Variants in ARHGAP32 observed in about 807,000 individuals in gnomAD.
The protein encoded by ARHGAP32 is rho GTPase-activating protein 32.
Under a neutral mutation model 186.5 loss-of-function variants are expected in ARHGAP32, and 51 were observed. That is an observed-to-expected ratio of 0.27 (90% CI 0.22 to 0.35). ARHGAP32 has a LOEUF of 0.35. Ranked by LOEUF, ARHGAP32 falls within the 10% of genes least tolerant of loss-of-function variation. The pLI is 1.00. For synonymous variants in ARHGAP32, 950 were observed against 964.3 expected (o/e 0.99, Z 0.27); for missense variants, 2,186 against 2,623.5 (o/e 0.83, Z 3.64).
chr11:129,050,560 CA>C (rs996610618), intron 10 of ARHGAP32, among the ~76,000 whole-genome samples: 1 of 152,098 alleles, frequency 6.6e-6, no homozygotes, highest in African/African-American at 2.4e-5. Context: ...ATAATCACTG[CA>C]AATATTTTCT....
At chr11:129,216,089 C>T (rs1336492831) in intron 1 of ARHGAP32, among the ~76,000 whole-genome samples, 8 of 152,208 alleles carry the variant, frequency 5.3e-5, no homozygotes, top group Middle Eastern at 3.4e-3. Flanking sequence ...GCCTCTGGAG[C>T]GAGCACAACC....
intron 12 of ARHGAP32, among the ~76,000 whole-genome samples, chr11:128,996,503 T>A (rs2134722219): frequency 6.6e-6 from 1 of 152,338 alleles, no homozygotes; most frequent in South Asian, 2.1e-4. Context: ...ATTTATTTTA[T>A]CTCAAAACAA....
intron 1 of ARHGAP32, among the ~76,000 whole-genome samples, chr11:129,237,265 A>G (rs1670599444): frequency 6.6e-6 from 1 of 152,198 alleles, no homozygotes; most frequent in African/African-American, 2.4e-5. Flanking sequence ...AGATCAAAAT[A>G]AATGTTGATG....
At chr11:129,071,406 A>C (rs949985215) in intron 6 of ARHGAP32, among the ~76,000 whole-genome samples, 2 of 152,120 alleles carry the variant, frequency 1.3e-5, no homozygotes, top group African/African-American at 4.8e-5. Context: ...AGCACTGAAC[A>C]GACATTTCTC....
intron 11 of ARHGAP32, among the ~76,000 whole-genome samples, chr11:129,003,450 T>C (rs1368783650): frequency 2.0e-5 from 3 of 152,186 alleles, no homozygotes; most frequent in African/African-American, 7.2e-5. Context: ...TAGAGTACAA[T>C]TGGTACTTGT....
chr11:129,172,867 G>A (rs551880103), intron 1 of ARHGAP32, among the ~76,000 whole-genome samples: 12 of 150,912 alleles, frequency 8.0e-5, no homozygotes, highest in African/African-American at 1.7e-4. Context: ...ATGGACACCC[G>A]AACATCACAA....
intron 13 of ARHGAP32, among the ~76,000 whole-genome samples, chr11:128,987,174 G>T (rs1014195234): frequency 6.6e-6 from 1 of 152,156 alleles, no homozygotes; most frequent in Non-Finnish European, 1.5e-5. Context: ...TAATAGGCAG[G>T]AAAATCTGTA....
chr11:129,216,722 C>A (rs752827375), intron 1 of ARHGAP32, among the ~76,000 whole-genome samples: 200 of 151,058 alleles, frequency 1.3e-3, no homozygotes, highest in Non-Finnish European at 2.3e-3. Context: ...AGCTGAGTCC[C>A]CATAGGTTCT....
chr11:129,029,801 CAAAAAAAAAA>C (rs34762356), intron 11 of ARHGAP32, among the ~76,000 whole-genome samples: 3 of 46,948 alleles, frequency 6.4e-5, no homozygotes, highest in Non-Finnish European at 9.8e-5. Flanking sequence ...GACTCCGTCT[CAAAAAAAAAA>C]AAAAAAAAAA....
rs377703970 is a variant in ARHGAP32, at chr11:128,986,720, A to G, written c.1299-52T>C. ...AATCATTTGATTGAGGAGAGCAAAT[A>G]TGTGTCTTAAAAACAGAAAGCATAA... On this transcript the variant is annotated intron_variant, in intron 13 of 22. Coordinates refer to ENST00000682385, the MANE Select transcript of ARHGAP32 (RefSeq NM_001378024.1). The G allele has an allele frequency of 5.8e-5, 92 of 1,576,764 alleles. 1 individual carries two copies. Among genetic ancestry groups the G allele is most frequent in the East Asian group, 5.4e-4 (24 of 44,376 alleles).
At chr11:128,973,804 C>G (rs1383012416) in intron 21 of ARHGAP32, 12 of 509,108 alleles carry the variant, frequency 2.4e-5, no homozygotes, top group African/African-American at 1.7e-4. Context: ...ACTTGGAAGG[C>G]TACAATAAAG....
At chr11:129,165,552 T>C (rs1943619130) in intron 1 of ARHGAP32, among the ~76,000 whole-genome samples, 1 of 148,372 alleles carries the variant, frequency 6.7e-6, no homozygotes. Context: ...TTCGTTCACA[T>C]TATCTAGTAT....
intron 6 of ARHGAP32, among the ~76,000 whole-genome samples, chr11:129,073,779 CAACAAA>C (rs1329324253): frequency 2.8e-5 from 4 of 145,072 alleles, no homozygotes; most frequent in Non-Finnish European, 6.1e-5. Context: ...AAAACAACAA[CAACAAA>C]AAAAAACCTT....
chr11:129,131,106 T>C (rs1942797852), intron 2 of ARHGAP32, among the ~76,000 whole-genome samples: 2 of 152,158 alleles, frequency 1.3e-5, no homozygotes, highest in South Asian at 4.1e-4. Context: ...TTATTACATT[T>C]ATATGAAGTT....
At chr11:129,220,322 C>T (rs533088765) in intron 1 of ARHGAP32, among the ~76,000 whole-genome samples, 24 of 152,070 alleles carry the variant, frequency 1.6e-4, no homozygotes, top group East Asian at 5.8e-4. Flanking sequence ...GGTCTGTATA[C>T]GGCACAGAAC....
At chr11:129,146,390 T>C (rs144369933) in intron 2 of ARHGAP32, among the ~76,000 whole-genome samples, 10 of 152,244 alleles carry the variant, frequency 6.6e-5, no homozygotes, top group African/African-American at 2.4e-4. Context: ...ATGCTCTGTC[T>C]TGGCCAGGAC....
intron 2 of ARHGAP32, among the ~76,000 whole-genome samples, chr11:129,156,406 G>T (rs1012320184): frequency 3.9e-5 from 6 of 152,180 alleles, no homozygotes; most frequent in Admixed American, 3.9e-4. Flanking sequence ...CTTGGTAGGG[G>T]GAGAGTCGTC....
At chr11:129,074,560 C>G (rs1318074117) in intron 6 of ARHGAP32, among the ~76,000 whole-genome samples, 1 of 152,072 alleles carries the variant, frequency 6.6e-6, no homozygotes, top group East Asian at 1.9e-4. Context: ...GTGGTCTGAT[C>G]TCGGCTCACT....
intron 15 of ARHGAP32, among the ~76,000 whole-genome samples, chr11:128,983,583 T>C (rs920673534): frequency 1.3e-5 from 2 of 152,094 alleles, no homozygotes; most frequent in East Asian, 3.9e-4. Context: ...ACATGGCACA[T>C]GTATACATAT....
Sources: allele counts gnomAD v4.1 joint callset (sites outside exome capture counted in the v4.1 genomes callset), GRCh38; gene constraint gnomAD v4.1.1; transcripts MANE v1.5; gene names NCBI Gene and HGNC (gene_info 2026-07-23, HGNC 2026-07-21).